The following OSBPL10 variants were observed in gnomAD, a reference collection of about 807,000 sequenced individuals.
OSBPL10 encodes the protein oxysterol binding protein like 10.
In OSBPL10, 49 loss-of-function variants were observed where a neutral mutation model predicts 81.7. The observed-to-expected ratio is 0.60, with a 90% CI of 0.48 to 0.76. The LOEUF is 0.76. OSBPL10 is among the 30% of genes least tolerant of loss of function. The pLI, the probability that OSBPL10 is intolerant of heterozygous loss-of-function variation, is 0.00. For synonymous variants in OSBPL10, 419 were observed against 383.6 expected, an observed-to-expected ratio of 1.09 and a Z score of -1.08; for missense variants, 923 against 987.8, an observed-to-expected ratio of 0.93 and a Z score of 0.88.
chr3:31,956,882 C>T (rs1264297428), intron 1 of OSBPL10, among the ~76,000 whole-genome samples: 1 of 152,104 alleles, frequency 6.6e-6, no homozygotes, highest in Non-Finnish European at 1.5e-5. Context: ...CCTGTAATCT[C>T]AGTACTTTGG....
At chr3:31,856,998 G>A (rs1700929242) in intron 3 of OSBPL10, among the ~76,000 whole-genome samples, 1 of 152,170 alleles carries the variant, frequency 6.6e-6, no homozygotes, top group Admixed American at 6.5e-5. Flanking sequence ...GGGCGGTGGA[G>A]GGTTCAAGGA....
rs555395581 is a variant in OSBPL10, at chr3:31,769,233, G to A, written c.730-21113C>T. 3.5e-3 allele frequency among the ~76,000 whole-genome samples: 538 copies of A among 151,814 alleles called. 3 individuals are homozygous for A. The highest frequency in any genetic ancestry group is 4.6e-3 in the Non-Finnish European group (314 of 67,916). ...CGAGGCGGGCAGATCACCTGAGGTC[G>A]AGAGTTTGAGACCAGCCTGACCAAC... On this transcript the variant is annotated intron_variant, in intron 4 of 11. Coordinates refer to ENST00000396556, the MANE Select transcript of OSBPL10 (RefSeq NM_017784.5).
At chr3:31,776,985 GA>G (rs200994645) in intron 4 of OSBPL10, among the ~76,000 whole-genome samples, 44 of 151,154 alleles carry the variant, frequency 2.9e-4, no homozygotes, top group African/African-American at 8.7e-4. Context: ...TTTACAAAGA[GA>G]AAAAAAAATC....
At chr3:32,051,923 A>G (rs1396022667) in intron 1 of OSBPL10, among the ~76,000 whole-genome samples, 1 of 152,218 alleles carries the variant, frequency 6.6e-6, no homozygotes, top group African/African-American at 2.4e-5. Flanking sequence ...ACATGACTTT[A>G]GTAAGCTTTG....
In OSBPL10 at chr3:31,715,583, T is replaced by C. The variant is rs1408531182; in HGVS notation, c.1096-13075A>G. Among the ~76,000 whole-genome samples the C allele has an allele frequency of 2.6e-5, 4 of 152,190 alleles. No homozygotes were observed. In the South Asian group the frequency reaches 8.3e-4, roughly 32 times the overall value. The stretch of plus-strand genomic sequence containing the variant: ...TATTTTGAAAATCTAAAATTCCTGA[T>C]GAAACACCACAGAACAATTTTACAA... On this transcript the variant is annotated intron_variant, in intron 6 of 11. Transcript: ENST00000396556.
At chr3:31,844,399 A>G (rs1426266565) in intron 3 of OSBPL10, among the ~76,000 whole-genome samples, 1 of 152,276 alleles carries the variant, frequency 6.6e-6, no homozygotes, top group Non-Finnish European at 1.5e-5. Context: ...AAAGGCAGAA[A>G]TAACTCAAAT....
At chr3:31,699,071 A>T in intron 7 of OSBPL10, among the ~76,000 whole-genome samples, 1 of 152,200 alleles carries the variant, frequency 6.6e-6, no homozygotes, top group East Asian at 1.9e-4. Flanking sequence ...AACACGTTAC[A>T]AATTGTTGCT....
chr3:31,947,311 C>G (rs1697730216), intron 1 of OSBPL10, among the ~76,000 whole-genome samples: 1 of 152,146 alleles, frequency 6.6e-6, no homozygotes, highest in African/African-American at 2.4e-5. Flanking sequence ...CAGGCTGTCC[C>G]TAAGCACACA....
At position 31,859,030 on chromosome 3, in the gene OSBPL10, G is replaced by A. The variant is rs534357087; in HGVS notation, c.537+17403C>T. Reference sequence around the variant, plus strand: ...TTAATCCTAACAACTGCCCTGTAGGGTTGATGCCATTATTTTGCCCAATTT... The same window carrying A: ...TTAATCCTAACAACTGCCCTGTAGGATTGATGCCATTATTTTGCCCAATTT... On this transcript the variant is annotated intron_variant, in intron 3 of 11. Coordinates refer to ENST00000396556, the MANE Select transcript of OSBPL10 (RefSeq NM_017784.5). 7.9e-5 allele frequency among the ~76,000 whole-genome samples: 12 copies of A among 152,312 alleles called. No homozygotes were observed. In the South Asian group the frequency reaches 2.5e-3, roughly 32 times the overall value.
At chr3:31,831,751 AG>A (rs1459987219) in intron 3 of OSBPL10, among the ~76,000 whole-genome samples, 1 of 152,246 alleles carries the variant, frequency 6.6e-6, no homozygotes, top group Non-Finnish European at 1.5e-5. Context: ...ATCTGTCAAC[AG>A]GGCCACAGAG....
intron 10 of OSBPL10, among the ~76,000 whole-genome samples, chr3:31,666,600 T>G (rs548610378): frequency 1.3e-5 from 2 of 152,226 alleles, no homozygotes; most frequent in South Asian, 4.1e-4. Flanking sequence ...CAAGGATGGG[T>G]GGGCTCAGTA....
At chr3:31,803,032 T>C (rs941747240) in intron 4 of OSBPL10, among the ~76,000 whole-genome samples, 8 of 148,620 alleles carry the variant, frequency 5.4e-5, no homozygotes, top group Non-Finnish European at 8.9e-5. Flanking sequence ...ACTGTTCTAG[T>C]CTACAAAGTG....
At chr3:31,914,371 T>C (rs951542305) in intron 1 of OSBPL10, among the ~76,000 whole-genome samples, 8 of 152,246 alleles carry the variant, frequency 5.3e-5, no homozygotes, top group African/African-American at 1.9e-4. Flanking sequence ...CTCTACCAAG[T>C]ATCAATTTCT....
intron 4 of OSBPL10, among the ~76,000 whole-genome samples, chr3:31,818,857 C>G (rs908723024): frequency 4.6e-5 from 7 of 152,208 alleles, no homozygotes; most frequent in African/African-American, 1.4e-4. Flanking sequence ...ACTCACTGAA[C>G]TGGTCATTAC....
At chr3:31,938,103 A>T (rs1465717293) in intron 1 of OSBPL10, among the ~76,000 whole-genome samples, 1 of 151,860 alleles carries the variant, frequency 6.6e-6, no homozygotes, top group Non-Finnish European at 1.5e-5. Flanking sequence ...TGACCCTACG[A>T]ACTCCTTCCC....
intron 1 of OSBPL10, among the ~76,000 whole-genome samples, chr3:32,057,091 A>G (rs987412844): frequency 2.0e-5 from 3 of 152,182 alleles, no homozygotes; most frequent in African/African-American, 7.2e-5. Flanking sequence ...GTGGAAAGGA[A>G]CCCTCAGTTC....
rs138132642 is a variant in OSBPL10, at chr3:31,692,237, C to A, written c.1246-8123G>T. On this transcript the variant is annotated intron_variant, in intron 7 of 11. Transcript: ENST00000396556. Reference sequence around the variant, plus strand: ...ACTAGCCATGTGTACGTGGCAAATTCATCTCCCCAGGACTCAATTCCTCAG... The same window carrying A: ...ACTAGCCATGTGTACGTGGCAAATTAATCTCCCCAGGACTCAATTCCTCAG... Among the ~76,000 whole-genome samples the A allele has an allele frequency of 3.5e-3, 536 of 152,232 alleles. 4 individuals carry two copies. Among genetic ancestry groups the A allele is most frequent in the African/African-American group, 0.012 (515 of 41,536 alleles).
intron 4 of OSBPL10, among the ~76,000 whole-genome samples, chr3:31,763,067 C>G (rs1455199928): frequency 6.6e-6 from 1 of 152,178 alleles, no homozygotes; most frequent in Non-Finnish European, 1.5e-5. Context: ...AGAACACACA[C>G]AGCAAACTCC....
intron 3 of OSBPL10, among the ~76,000 whole-genome samples, chr3:31,849,788 A>G (rs1700716378): frequency 6.6e-6 from 1 of 152,198 alleles, no homozygotes; most frequent in Non-Finnish European, 1.5e-5. Context: ...CTATAATCCC[A>G]GCACTTTGGG....
Sources: gnomAD v4.1 joint callset for allele counts (sites outside exome capture counted in the v4.1 genomes callset) on GRCh38, gnomAD v4.1.1 for gene constraint, MANE v1.5 for transcripts, NCBI Gene and HGNC (gene_info 2026-07-23, HGNC 2026-07-21) for gene names.